CIMAP2: variants seen among roughly 807,000 people sequenced by gnomAD.
The protein encoded by CIMAP2 is ciliary microtubule-associated protein 2.
At chr1:54,820,860 C>T in the CIMAP2 span, among the ~76,000 whole-genome samples, 2 of 152,150 alleles carry the variant, frequency 1.3e-5, no homozygotes, top group Admixed American at 6.6e-5. Context: ...CCTCCGCCTC[C>T]TGGGTTCAAG....
chr1:54,813,453 T>C, the CIMAP2 span, among the ~76,000 whole-genome samples: 2 of 152,230 alleles, frequency 1.3e-5, no homozygotes, highest in Non-Finnish European at 2.9e-5. Context: ...GCTCCTCCAG[T>C]CACTCTGGTT....
the CIMAP2 span, among the ~76,000 whole-genome samples, chr1:54,813,514 A>G: frequency 1.1e-4 from 17 of 152,188 alleles, no homozygotes; most frequent in Non-Finnish European, 2.5e-4. Flanking sequence ...GACTCAATAC[A>G]TGTCCAACAA....
chr1:54,826,089 G>A, the CIMAP2 span, among the ~76,000 whole-genome samples: 70 of 152,268 alleles, frequency 4.6e-4, no homozygotes, highest in African/African-American at 1.7e-3. Flanking sequence ...AGTGGCAAGT[G>A]GGGCGGGTGG....
the CIMAP2 span, chr1:54,811,677 C>T: frequency 8.5e-7 from 1 of 1,179,746 alleles, no homozygotes; most frequent in Non-Finnish European, 1.2e-6. Context: ...AGCAAGCGGA[C>T]ACCCTGAAAA....
the CIMAP2 span, chr1:54,841,784 T>C: frequency 1.2e-4 from 185 of 1,596,570 alleles, 2 homozygotes; most frequent in South Asian, 2.0e-3. Context: ...TTTTTAATTT[T>C]TTCTGTCTTT....
chr1:54,824,373 GC>G, the CIMAP2 span, among the ~76,000 whole-genome samples: 1 of 135,676 alleles, frequency 7.4e-6, no homozygotes, highest in Non-Finnish European at 1.6e-5. Flanking sequence ...CTTGGAGAAG[GC>G]CCTTTTAATT....
the CIMAP2 span, chr1:54,817,212 C>T: frequency 6.6e-7 from 1 of 1,523,158 alleles, no homozygotes; most frequent in Non-Finnish European, 8.9e-7. Flanking sequence ...GTTTGGTTCC[C>T]ATGGGAACAC....
the CIMAP2 span, among the ~76,000 whole-genome samples, chr1:54,824,228 G>T: frequency 1.0e-3 from 159 of 152,264 alleles, no homozygotes; most frequent in Middle Eastern, 6.8e-3. Context: ...GATGGGGTCT[G>T]TGTTGCCTAG....
the CIMAP2 span, among the ~76,000 whole-genome samples, chr1:54,819,824 C>CTTTCTCTTTCTTTCTTTCTTTCTTTCTT: frequency 1.0e-5 from 1 of 100,210 alleles, no homozygotes; most frequent in Non-Finnish European, 2.1e-5. Flanking sequence ...TTCTTTCTTT[C>CTTTCTCTTTCTTTCTTTCTTTCTTTCTT]TCTTTCTTTC....
the CIMAP2 span, among the ~76,000 whole-genome samples, chr1:54,839,805 C>T: frequency 1.3e-5 from 2 of 152,134 alleles, no homozygotes; most frequent in African/African-American, 2.4e-5. Flanking sequence ...AGCTAGAGCA[C>T]AGTGGCATGA....
the CIMAP2 span, chr1:54,807,701 TG>T: frequency 6.3e-7 from 1 of 1,577,808 alleles, no homozygotes; most frequent in South Asian, 1.2e-5. Context: ...GTGAGGCCTC[TG>T]GGGCCATGCC....
the CIMAP2 span, among the ~76,000 whole-genome samples, chr1:54,821,042 TA>T: frequency 6.6e-6 from 1 of 152,176 alleles, no homozygotes; most frequent in Non-Finnish European, 1.5e-5. Flanking sequence ...GTGCTAAGAT[TA>T]TAGGCATGAG....
chr1:54,828,753 T>C, the CIMAP2 span, among the ~76,000 whole-genome samples: 1 of 152,220 alleles, frequency 6.6e-6, no homozygotes, highest in African/African-American at 2.4e-5. Flanking sequence ...CTTAATATGG[T>C]GTATTTAAGG....
At chr1:54,807,750 G>A in the CIMAP2 span, 1 of 1,528,840 alleles carries the variant, frequency 6.5e-7, no homozygotes, top group Non-Finnish European at 8.8e-7. Flanking sequence ...GTCCATTGCA[G>A]CTGCTCTGTG....
At chr1:54,827,667 T>G in the CIMAP2 span, among the ~76,000 whole-genome samples, 1 of 152,206 alleles carries the variant, frequency 6.6e-6, no homozygotes, top group Non-Finnish European at 1.5e-5. Context: ...TTATGAGGAC[T>G]GAATGAATGA....
the CIMAP2 span, chr1:54,814,797 C>G: frequency 4.8e-6 from 7 of 1,465,276 alleles, no homozygotes; most frequent in African/African-American, 8.4e-5. Context: ...GTCCTTGGCT[C>G]AAGACCCAGG....
chr1:54,811,765 G>GGGGGGGGGGGGGGCCCCCCCCCCCCC, the CIMAP2 span: 1 of 1,301,332 alleles, frequency 7.7e-7, no homozygotes, highest in Non-Finnish European at 1.1e-6. Context: ...GGTTCTGACA[G>GGGGGGGGGGGGGGCCCCCCCCCCCCC]CCTCCATGCC....
At chr1:54,834,167 C>G in the CIMAP2 span, among the ~76,000 whole-genome samples, 2 of 152,184 alleles carry the variant, frequency 1.3e-5, no homozygotes, top group South Asian at 4.1e-4. Context: ...ATCTTCCCCA[C>G]AGTTTTTGTT....
At chr1:54,822,010 C>T in the CIMAP2 span, among the ~76,000 whole-genome samples, 30,492 of 133,146 alleles carry the variant, frequency 0.23, 7,063 homozygotes, top group African/African-American at 0.4. Flanking sequence ...GCCATTCTCC[C>T]GCCTCAGCCT....
Sources: gnomAD v4.1 joint callset for allele counts (sites outside exome capture counted in the v4.1 genomes callset) on GRCh38, gnomAD v4.1.1 for gene constraint, MANE v1.5 for transcripts, NCBI Gene and HGNC (gene_info 2026-07-23, HGNC 2026-07-21) for gene names.